Variants in PARD3B observed in about 807,000 individuals in gnomAD.
PARD3B encodes partitioning defective 3 homolog B.
PARD3B carries 103 observed loss-of-function variants against 130.2 expected under a neutral mutation model. The observed-to-expected ratio is 0.79, with a 90% CI of 0.67 to 0.93. The LOEUF is 0.93. PARD3B is among the 40% of genes least tolerant of loss of function. The pLI, the probability that PARD3B is intolerant of heterozygous loss-of-function variation, is 0.00. For missense variants in PARD3B, 1,609 were observed against 1,499.2 expected (o/e 1.07, Z -1.21); for synonymous variants, 583 against 553.2 (o/e 1.05, Z -0.76).
rs1239360584 is a variant in PARD3B, at chr2:204,610,736, G to GAA, written c.120+64619_120+64620dup. Among the ~76,000 whole-genome samples the GAA allele has an allele frequency of 1.3e-5, 2 of 152,160 alleles. No homozygotes were observed. The highest frequency in any genetic ancestry group is 2.9e-5 in the Non-Finnish European group (2 of 68,030). ...CCTCTTCTCTCTCTAGATAGAAGGAGAAACATCATCTCCCCACCTCTGAGC... is the reference window on the plus strand; with the variant it reads ...CCTCTTCTCTCTCTAGATAGAAGGAGAAAAACATCATCTCCCCACCTCTGAGC... On this transcript the variant is annotated intron_variant, in intron 1 of 22. Coordinates refer to ENST00000406610, the MANE Select transcript of PARD3B (RefSeq NM_001302769.2). The surrounding 1 kb of genome is among the most constrained non-coding windows in gnomAD (Gnocchi z 4.1).
At chr2:204,586,170 A>G (rs2032815120) in intron 1 of PARD3B, among the ~76,000 whole-genome samples, 1 of 152,192 alleles carries the variant, frequency 6.6e-6, no homozygotes. Context: ...TAAATATGGT[A>G]CCATATTTTC....
chr2:204,558,567 T>A (rs1050502275), intron 1 of PARD3B, among the ~76,000 whole-genome samples: 3 of 152,144 alleles, frequency 2.0e-5, no homozygotes, highest in African/African-American at 7.2e-5. Context: ...GGAAGAACAT[T>A]CCATGCTCAT....
At chr2:205,487,397 A>G (rs2049485835) in intron 20 of PARD3B, among the ~76,000 whole-genome samples, 1 of 152,142 alleles carries the variant, frequency 6.6e-6, no homozygotes, top group Non-Finnish European at 1.5e-5. Context: ...ACGTTTTGTT[A>G]TATTTTTCAC....
At chr2:205,499,227 G>A (rs2050062759) in intron 20 of PARD3B, among the ~76,000 whole-genome samples, 1 of 151,622 alleles carries the variant, frequency 6.6e-6, no homozygotes, top group Non-Finnish European at 1.5e-5. Flanking sequence ...TACTGGAAAA[G>A]CTATAATTCA....
At chr2:205,283,080 T>G (rs539793972) in intron 16 of PARD3B, among the ~76,000 whole-genome samples, 1 of 152,298 alleles carries the variant, frequency 6.6e-6, no homozygotes, top group African/African-American at 2.4e-5. Context: ...AGTAAGAAAG[T>G]GTATAAACTC....
rs940953952 is a variant in PARD3B at position 205,534,307 on chromosome 2, G to T, written c.3181-19017G>T. Among the ~76,000 whole-genome samples, 7 of 152,290 alleles carry T rather than the reference G, an allele frequency of 4.6e-5. No homozygotes were observed. The South Asian group carries it at 1.0e-3, about 23-fold the overall frequency. Reference sequence around the variant, plus strand: ...AAGAAATATCAAGCTGGGCTAAGGGGCTGGGCAAGCATGCTGTTTTCTACA... The same window carrying T: ...AAGAAATATCAAGCTGGGCTAAGGGTCTGGGCAAGCATGCTGTTTTCTACA... On this transcript the variant is annotated intron_variant, in intron 21 of 22. Coordinates refer to ENST00000406610, the MANE Select transcript of PARD3B (RefSeq NM_001302769.2).
chr2:204,733,986 T>A (rs1157795728), intron 2 of PARD3B, among the ~76,000 whole-genome samples: 1 of 152,162 alleles, frequency 6.6e-6, no homozygotes, highest in Non-Finnish European at 1.5e-5. Flanking sequence ...TGATAAATTG[T>A]CAAGCCAAAG....
intron 3 of PARD3B, among the ~76,000 whole-genome samples, chr2:204,977,806 C>T (rs1478751460): frequency 3.0e-4 from 30 of 98,752 alleles, no homozygotes; most frequent in African/African-American, 1.1e-3. Flanking sequence ...AGCGAGACTC[C>T]GGCTCAAAAA....
chr2:205,222,860 T>TG (rs568958874), intron 15 of PARD3B, among the ~76,000 whole-genome samples: 4 of 56,296 alleles, frequency 7.1e-5, no homozygotes, highest in South Asian at 5.0e-4. Flanking sequence ...CTGTGTCAGG[T>TG]GGGAAAAAAA....
intron 20 of PARD3B, among the ~76,000 whole-genome samples, chr2:205,474,952 C>T (rs116612672): frequency 1.8e-4 from 28 of 152,254 alleles, no homozygotes; most frequent in African/African-American, 6.3e-4. Context: ...AAGTTTTCAG[C>T]TCGCCTCAGC....
chr2:205,036,741 AAAT>A (rs1397541315), intron 3 of PARD3B, among the ~76,000 whole-genome samples: 1 of 148,170 alleles, frequency 6.7e-6, no homozygotes, highest in Non-Finnish European at 1.5e-5. Flanking sequence ...TATGTACAAA[AAAT>A]ATATATACAC....
At chr2:204,965,100 G>T (rs188671513) in intron 2 of PARD3B, 52 bp from the exon 3 acceptor site, 2 of 1,558,984 alleles carry the variant, frequency 1.3e-6, no homozygotes, top group Non-Finnish European at 1.8e-6. Context: ...GATAGTGTCC[G>T]TGTGGTATGC....
intron 10 of PARD3B, among the ~76,000 whole-genome samples, chr2:205,153,027 G>A (rs2033867970): frequency 1.3e-5 from 2 of 152,192 alleles, no homozygotes; most frequent in Non-Finnish European, 1.5e-5. Flanking sequence ...TCAGCTGCAG[G>A]TCTGTTAGAG....
intron 21 of PARD3B, among the ~76,000 whole-genome samples, chr2:205,505,881 T>TA (rs916238890): frequency 3.3e-5 from 5 of 151,832 alleles, no homozygotes; most frequent in Admixed American, 6.6e-5. Flanking sequence ...CCAACCTTTT[T>TA]AAAAAAAAAT....
chr2:204,740,365 C>T (rs778721541), intron 2 of PARD3B, among the ~76,000 whole-genome samples: 3 of 152,104 alleles, frequency 2.0e-5, no homozygotes, highest in Non-Finnish European at 4.4e-5. Context: ...TTTCTGATTG[C>T]TCTGTATGAA....
chr2:205,278,336 G>A (rs1049870569), intron 16 of PARD3B, among the ~76,000 whole-genome samples: 1 of 152,160 alleles, frequency 6.6e-6, no homozygotes, highest in Non-Finnish European at 1.5e-5. Context: ...AGACTCAAGG[G>A]ATGATTTCAG....
At chr2:204,875,124 G>A (rs2045786648) in intron 2 of PARD3B, among the ~76,000 whole-genome samples, 1 of 152,006 alleles carries the variant, frequency 6.6e-6, no homozygotes, top group Non-Finnish European at 1.5e-5. Flanking sequence ...ATACCAAGAA[G>A]TTTTCCCATT....
At chr2:205,182,629 C>A (rs1459217268) in intron 13 of PARD3B, among the ~76,000 whole-genome samples, 1 of 152,094 alleles carries the variant, frequency 6.6e-6, no homozygotes, top group East Asian at 1.9e-4. Context: ...TAGTTCATTG[C>A]AAAAGTGGCA....
intron 19 of PARD3B, among the ~76,000 whole-genome samples, chr2:205,423,999 A>T (rs999786053): frequency 4.6e-5 from 7 of 152,148 alleles, no homozygotes; most frequent in African/African-American, 1.7e-4. Flanking sequence ...TCATACCTGG[A>T]TGATGGAATA....
Sources: gnomAD v4.1 joint callset for allele counts (sites outside exome capture counted in the v4.1 genomes callset) on GRCh38, gnomAD v4.1.1 for gene constraint, Gnocchi (gnomAD v3.1) non-coding constraint, MANE v1.5 for transcripts, NCBI Gene and HGNC (gene_info 2026-07-23, HGNC 2026-07-21) for gene names.